The following PLCE1 variants were observed in gnomAD, a reference collection of about 807,000 sequenced individuals.
PLCE1 encodes the protein 1-phosphatidylinositol 4,5-bisphosphate phosphodiesterase epsilon-1.
A neutral mutation model predicts 242.8 loss-of-function variants in PLCE1; 119 were observed. That is an observed-to-expected ratio of 0.49 (90% CI 0.42 to 0.57). The LOEUF is 0.57. Among genes scored for constraint, PLCE1 ranks in the 20% least tolerant of loss-of-function variants. The pLI, the probability that PLCE1 is intolerant of heterozygous loss-of-function variation, is 0.00. For synonymous variants in PLCE1, 945 were observed against 1,017.4 expected (o/e 0.93, Z 1.35); for missense variants, 2,441 against 2,788.8 (o/e 0.88, Z 2.81).
At position 94,131,317 on chromosome 10, in the gene PLCE1, C is replaced by T. The variant is rs192622993; in HGVS notation, c.1207-857C>T. ...GTCAAACCTTATAATTTTCAGGCCT[C>T]ATCGAAGATTGTGAAATCCTGCAGC... On this transcript the variant is annotated intron_variant, in intron 2 of 32. Transcript: ENST00000371380. Among the ~76,000 whole-genome samples, 40 of 152,242 alleles carry T rather than the reference C, an allele frequency of 2.6e-4. 1 individual carries two copies. Among genetic ancestry groups the T allele is most frequent in the Admixed American group, 2.6e-3 (40 of 15,292 alleles).
Position 94,279,931 on chromosome 10 carries a change from A to G in PLCE1, c.4795+20A>G, listed in dbSNP as rs748327592. The G allele has an allele frequency of 6.2e-7, 1 of 1,612,234 alleles. No homozygotes were observed. Among genetic ancestry groups the G allele is most frequent in the Non-Finnish European group, 8.5e-7 (1 of 1,178,580 alleles). ...CTGATGGTAAGAGAAACAGATCCCT[A>G]TGCTGTGCACAGGAAAATTCTTGGA... On this transcript the variant is annotated intron_variant, in intron 20 of 32. Coordinates refer to ENST00000371380, the MANE Select transcript of PLCE1 (RefSeq NM_016341.4).
intron 18 of PLCE1, among the ~76,000 whole-genome samples, chr10:94,271,136 C>G (rs2051715026): frequency 6.6e-6 from 1 of 151,902 alleles, no homozygotes; most frequent in Non-Finnish European, 1.5e-5. Context: ...AAGTATTGCT[C>G]TCTGGTCTCC....
At chr10:94,236,367 A>G (rs2050324739) in intron 7 of PLCE1, among the ~76,000 whole-genome samples, 1 of 152,148 alleles carries the variant, frequency 6.6e-6, no homozygotes, top group African/African-American at 2.4e-5. Context: ...ACCCCTTTAA[A>G]AAAAAAACAA....
chr10:94,179,797 C>T (rs1433401264), intron 4 of PLCE1, among the ~76,000 whole-genome samples: 1 of 151,882 alleles, frequency 6.6e-6, no homozygotes, highest in Non-Finnish European at 1.5e-5. Flanking sequence ...TACGTCACCA[C>T]ACCCGGCCTA....
At chr10:94,291,429 A>C (rs1386083417) in intron 22 of PLCE1, among the ~76,000 whole-genome samples, 2 of 152,200 alleles carry the variant, frequency 1.3e-5, no homozygotes, top group Non-Finnish European at 2.9e-5. Context: ...CACAGATGAG[A>C]GGAAGACCCT....
chr10:94,275,340 T>C (rs1012896267), intron 19 of PLCE1, among the ~76,000 whole-genome samples: 1 of 152,204 alleles, frequency 6.6e-6, no homozygotes, highest in African/African-American at 2.4e-5. Flanking sequence ...ATATGGTTGC[T>C]AAGACTCTTT....
intron 28 of PLCE1, among the ~76,000 whole-genome samples, 169 bp downstream of exon 28, chr10:94,313,551 A>G (rs912226498): frequency 2.6e-5 from 4 of 152,208 alleles, no homozygotes; most frequent in Non-Finnish European, 5.9e-5. Context: ...CAACATTGAG[A>G]TCCACTCCAA....
intron 4 of PLCE1, among the ~76,000 whole-genome samples, chr10:94,181,801 C>T (rs1261762403): frequency 3.1e-5 from 4 of 128,804 alleles, no homozygotes; most frequent in Non-Finnish European, 4.6e-5. Context: ...ACCTGTAGTT[C>T]CAGCTACTGG....
Position 94,262,707 on chromosome 10 carries a change from A to T in PLCE1, c.4028A>T (p.Tyr1343Phe), listed in dbSNP as rs775326157. 5 of 1,613,368 alleles carry T rather than the reference A, an allele frequency of 3.1e-6. No individual in the cohort carries two copies. The highest frequency in any genetic ancestry group is 1.7e-5 in the Admixed American group (1 of 59,994). ...AATTGCCAAGGAGAACACTGCACTT[A>T]TGATGAAATCCTCAGCATCATCCAG... Reference protein sequence around the residue: ...LVNCQGEHCTYDEILSIIQKF... With the variant: ...LVNCQGEHCTFDEILSIIQKF... The change falls in exon 14 of 33, where the codon TAT (tyrosine) becomes TTT (phenylalanine). Residue 1343 changes from tyrosine (Y) to phenylalanine (F), a missense_variant. Around this residue, in one of 5 missense-constraint regions of PLCE1, gnomAD observed 1,004 missense variants for 1,322.7 expected, o/e 0.76. Transcript: ENST00000371380.
In PLCE1 at chr10:94,306,429, T is replaced by G. The variant is rs762686660; in HGVS notation, c.5625T>G (p.Ile1875Met). ...SMDPAVYSLT[I>M]VSGQNVCPSN... is the part of the protein sequence containing the mutation. The stretch of plus-strand genomic sequence containing the variant: ...CCCTTTTGTCTCCCTCACCCTAGAT[T>G]GTCTCTGGTCAGAATGTGTGCCCCA... Residue 1875 changes from isoleucine to methionine, a missense_variant and splice_region_variant, in exon 26 of 33, where the codon ATT becomes ATG. Ile to Met is a conservative substitution (Grantham distance 10, BLOSUM62 1). Around this residue, in one of 5 missense-constraint regions of PLCE1, gnomAD observed 1,004 missense variants for 1,322.7 expected, o/e 0.76. Transcript: ENST00000371380. The surrounding 1 kb of genome is among the most constrained non-coding windows in gnomAD (Gnocchi z 5.7). 17 of 1,614,140 alleles carry G rather than the reference T, an allele frequency of 1.1e-5. No homozygotes were observed. The South Asian group carries it at 1.8e-4, about 17-fold the overall frequency.
At chr10:94,053,698 T>G (rs2043827356) in intron 2 of PLCE1, among the ~76,000 whole-genome samples, 1 of 152,196 alleles carries the variant, frequency 6.6e-6, no homozygotes, top group East Asian at 1.9e-4. Context: ...AGAAATATCC[T>G]CGCAGCAGTT....
intron 2 of PLCE1, among the ~76,000 whole-genome samples, chr10:94,129,616 G>A (rs887959943): frequency 6.6e-6 from 1 of 152,178 alleles, no homozygotes; most frequent in Non-Finnish European, 1.5e-5. Flanking sequence ...GTGAGCAAAT[G>A]CACAATGAGC....
At chr10:94,088,982 C>G (rs963455489) in intron 2 of PLCE1, 9 of 1,184,994 alleles carry the variant, frequency 7.6e-6, no homozygotes, top group Non-Finnish European at 1.0e-5. Flanking sequence ...TCCCTCGATT[C>G]TGGGTATTAC....
At chr10:94,011,911 C>T (rs7089649) in intron 1 of PLCE1, among the ~76,000 whole-genome samples, 2,351 of 152,144 alleles carry the variant, frequency 0.015, 26 homozygotes, top group African/African-American at 0.032. Flanking sequence ...ACCAGGTGAC[C>T]AAATTTGGGG....
At chr10:94,125,826 T>C (rs1449841244) in intron 2 of PLCE1, among the ~76,000 whole-genome samples, 1 of 152,156 alleles carries the variant, frequency 6.6e-6, no homozygotes, top group East Asian at 1.9e-4. Context: ...TTGACCCCAC[T>C]TGACAATACC....
intron 31 of PLCE1, 45 bp from the exon 32 acceptor site, chr10:94,324,847 C>G (rs2053951605): frequency 6.4e-7 from 1 of 1,573,706 alleles, no homozygotes; most frequent in Non-Finnish European, 8.7e-7. Context: ...GACAGAGGAA[C>G]CTGAGTTTAA....
chr10:94,302,392 A>C (rs1196843369), intron 24 of PLCE1, among the ~76,000 whole-genome samples: 1 of 152,222 alleles, frequency 6.6e-6, no homozygotes, highest in Non-Finnish European at 1.5e-5. Flanking sequence ...CAGTAAAATA[A>C]AATAATTTTT....
chr10:94,165,132 G>A (rs201722802), intron 3 of PLCE1, among the ~76,000 whole-genome samples: 6 of 152,176 alleles, frequency 3.9e-5, no homozygotes, highest in East Asian at 1.9e-4. Flanking sequence ...CTCCAGCTGC[G>A]TGCTGGGAGA....
At chr10:94,022,713 T>A (rs529602248) in intron 1 of PLCE1, among the ~76,000 whole-genome samples, 19 of 152,224 alleles carry the variant, frequency 1.2e-4, no homozygotes, top group African/African-American at 4.3e-4. Context: ...GATGGAACTC[T>A]GTTCCTTCTC....
Sources: gnomAD v4.1 joint callset for allele counts (sites outside exome capture counted in the v4.1 genomes callset) on GRCh38, gnomAD v4.1.1 for gene constraint, gnomAD v4.1.1 regional missense constraint, Gnocchi (gnomAD v3.1) non-coding constraint, MANE v1.5 for transcripts, NCBI Gene and HGNC (gene_info 2026-07-23, HGNC 2026-07-21) for gene names.